Variants in ELAPOR1 observed in about 807,000 individuals in gnomAD.
The protein encoded by ELAPOR1 is endosome/lysosome-associated apoptosis and autophagy regulator 1.
ELAPOR1 carries 77 observed loss-of-function variants against 119.7 expected under a neutral mutation model. The observed-to-expected ratio is 0.64, with a 90% confidence interval of 0.54 to 0.78. The LOEUF (loss-of-function observed/expected upper bound fraction) is 0.78, where lower values mean the gene tolerates loss of function less well. Among genes scored for constraint, ELAPOR1 ranks in the 30% least tolerant of loss-of-function variants. ELAPOR1 has a pLI of 0.00. For synonymous variants in ELAPOR1, 481 were observed against 487.2 expected (o/e 0.99, Z 0.17); for missense variants, 1,115 against 1,270.4 (o/e 0.88, Z 1.86).
At chr1:109,159,638 G>C (rs1285598221) in intron 1 of ELAPOR1, among the ~76,000 whole-genome samples, 1 of 152,168 alleles carries the variant, frequency 6.6e-6, no homozygotes, top group Admixed American at 6.5e-5. Context: ...GAGGATTCCT[G>C]GTGGGAAGGC....
rs139286497 is a variant in ELAPOR1, at chr1:109,163,069, C to A, written c.274+1055C>A. ...GAGGAGCGCAGAGCCTAGTGGGTGGCAGACATATATGATATGAGAAAGAAT... is the reference window on the plus strand; with the variant it reads ...GAGGAGCGCAGAGCCTAGTGGGTGGAAGACATATATGATATGAGAAAGAAT... On this transcript the variant is annotated intron_variant, in intron 2 of 21. Coordinates refer to ENST00000369939, the MANE Select transcript of ELAPOR1 (RefSeq NM_020775.5). Among the ~76,000 whole-genome samples, 10 of 152,326 alleles carry A rather than the reference C, an allele frequency of 6.6e-5. No homozygotes were observed. In the East Asian group the frequency reaches 1.9e-3, roughly 29 times the overall value.
chr1:109,196,466 T>C (rs1653797846), intron 15 of ELAPOR1, among the ~76,000 whole-genome samples: 13 of 152,220 alleles, frequency 8.5e-5, no homozygotes, highest in African/African-American at 2.4e-5. Context: ...CAGTGAATTA[T>C]GGAGAGCAAT....
chr1:109,175,004 C>T (rs1222216781), intron 7 of ELAPOR1, among the ~76,000 whole-genome samples: 7 of 151,670 alleles, frequency 4.6e-5, no homozygotes, highest in South Asian at 2.1e-4. Flanking sequence ...CATGAGCCAC[C>T]GCGCCCGGCC....
intron 5 of ELAPOR1, among the ~76,000 whole-genome samples, chr1:109,173,224 C>G (rs1411530409): frequency 6.6e-6 from 1 of 151,784 alleles, no homozygotes; most frequent in Non-Finnish European, 1.5e-5. Context: ...CTTTACTGGT[C>G]TCACCATAAG....
chr1:109,176,603 TTTC>T (rs1652300286), intron 7 of ELAPOR1, among the ~76,000 whole-genome samples: 1 of 151,148 alleles, frequency 6.6e-6, no homozygotes, highest in South Asian at 2.1e-4. Context: ...TTTCTTTTTT[TTTC>T]TTTTTTTTTT....
At chr1:109,199,649 GC>G (rs1477631398) in intron 18 of ELAPOR1, among the ~76,000 whole-genome samples, 1 of 152,196 alleles carries the variant, frequency 6.6e-6, no homozygotes, top group African/African-American at 2.4e-5. Context: ...AGGGTGGGGA[GC>G]CCACTGGAGG....
intron 5 of ELAPOR1, among the ~76,000 whole-genome samples, chr1:109,173,156 C>T (rs1291142822): frequency 6.7e-6 from 1 of 149,278 alleles, no homozygotes; most frequent in African/African-American, 2.5e-5. Flanking sequence ...TGTCCCCCTG[C>T]AAAACCACAG....
chr1:109,194,050 A>G (rs938608628), intron 14 of ELAPOR1, among the ~76,000 whole-genome samples: 4 of 152,188 alleles, frequency 2.6e-5, no homozygotes, highest in South Asian at 2.1e-4. Context: ...CTCTTCTCCC[A>G]TCTCAGATAC....
chr1:109,187,103 A>C, intron 8 of ELAPOR1: 1 of 985,478 alleles, frequency 1.0e-6, no homozygotes. Context: ...TTTTAAAATC[A>C]AGGGACACAC....
chr1:109,132,925 T>C (rs781427394), intron 1 of ELAPOR1, among the ~76,000 whole-genome samples: 2 of 151,502 alleles, frequency 1.3e-5, no homozygotes, highest in Non-Finnish European at 3.0e-5. Flanking sequence ...ATAAAAATTA[T>C]GGCAGAAAAA....
chr1:109,157,114 T>G (rs1477768066), intron 1 of ELAPOR1, among the ~76,000 whole-genome samples: 1 of 152,212 alleles, frequency 6.6e-6, no homozygotes, highest in Admixed American at 6.5e-5. Context: ...TCTACTTGGC[T>G]TTCCTTGCAG....
intron 1 of ELAPOR1, among the ~76,000 whole-genome samples, chr1:109,147,457 G>T (rs976649241): frequency 6.6e-6 from 1 of 152,126 alleles, no homozygotes; most frequent in Non-Finnish European, 1.5e-5. Context: ...GTGTGTGGGG[G>T]TGTGGAAAAA....
chr1:109,133,992 G>A (rs771840746), intron 1 of ELAPOR1, among the ~76,000 whole-genome samples: 2 of 152,210 alleles, frequency 1.3e-5, no homozygotes, highest in African/African-American at 2.4e-5. Context: ...TCCCAGTGAT[G>A]TTGCGCCAGC....
chr1:109,127,283 C>T (rs922987436), intron 1 of ELAPOR1, among the ~76,000 whole-genome samples: 25 of 146,676 alleles, frequency 1.7e-4, no homozygotes, highest in Admixed American at 1.1e-3. Context: ...GGTACAATCT[C>T]GGCTCACTGC....
At position 109,134,821 on chromosome 1, in the gene ELAPOR1, T is replaced by C. The variant is rs139400966; in HGVS notation, c.153+20485T>C. ...AGGCTGAAGCTGAACTTGGGAATTC[T>C]CATCAGGGCTGCCCATAGGAGGTCT... On this transcript the variant is annotated intron_variant, in intron 1 of 21. Transcript: ENST00000369939. Among the ~76,000 whole-genome samples the C allele has an allele frequency of 7.9e-5, 12 of 152,280 alleles. No homozygotes were observed. The East Asian group carries it at 2.3e-3, about 29-fold the overall frequency.
chr1:109,130,912 A>G (rs780218572), intron 1 of ELAPOR1, among the ~76,000 whole-genome samples: 2 of 152,284 alleles, frequency 1.3e-5, no homozygotes, highest in African/African-American at 2.4e-5. Context: ...CTGAGGCAGG[A>G]GGATCACTTG....
intron 1 of ELAPOR1, among the ~76,000 whole-genome samples, chr1:109,133,668 G>T (rs770877671): frequency 4.6e-5 from 7 of 151,980 alleles, no homozygotes; most frequent in Non-Finnish European, 8.8e-5. Flanking sequence ...TTTAGGCCAG[G>T]GTAATTTTCT....
chr1:109,123,515 G>A lies in ELAPOR1; in HGVS notation c.153+9179G>A, dbSNP rs1392447336. 5.3e-5 allele frequency among the ~76,000 whole-genome samples: 8 copies of A among 152,256 alleles called. No homozygotes were observed. In the East Asian group the frequency reaches 1.5e-3, roughly 29 times the overall value. On this transcript the variant is annotated intron_variant, in intron 1 of 21. Transcript: ENST00000369939. ...AAAACTACAGCACCATAGTCAAATT[G>A]CATAGTCAAGGAAAAGCATACAAAG...
intron 7 of ELAPOR1, among the ~76,000 whole-genome samples, chr1:109,181,921 G>A (rs924092244): frequency 6.6e-6 from 1 of 152,136 alleles, no homozygotes; most frequent in Non-Finnish European, 1.5e-5. Context: ...TCTGATCTAC[G>A]AACCCATGTG....
Sources: gnomAD v4.1 joint callset for allele counts (sites outside exome capture counted in the v4.1 genomes callset) on GRCh38, gnomAD v4.1.1 for gene constraint, MANE v1.5 for transcripts, NCBI Gene and HGNC (gene_info 2026-07-23, HGNC 2026-07-21) for gene names.